Variants in PRKAR1B observed in about 807,000 individuals in gnomAD.
PRKAR1B encodes the protein protein kinase cAMP-dependent type I regulatory subunit beta.
PRKAR1B carries 22 observed loss-of-function variants against 46.5 expected under a neutral mutation model. The observed-to-expected ratio is 0.47, with a 90% CI of 0.34 to 0.68. The LOEUF is 0.68. PRKAR1B is among the 30% of genes least tolerant of loss of function. The pLI, the probability that PRKAR1B is intolerant of heterozygous loss-of-function variation, is 0.01. For synonymous variants in PRKAR1B, 259 were observed against 217.7 expected, an observed-to-expected ratio of 1.19 and a Z score of -1.67; for missense variants, 445 against 535.6, an observed-to-expected ratio of 0.83 and a Z score of 1.67.
chr7:595,417 C>T (rs1051288604), intron 7 of PRKAR1B, among the ~76,000 whole-genome samples: 19 of 152,184 alleles, frequency 1.2e-4, no homozygotes, highest in Admixed American at 7.2e-4. Context: ...TGTTCACGGC[C>T]GCCTCCACCA....
In PRKAR1B at chr7:726,750, G is replaced by A. The variant is rs878855037; in HGVS notation, c.-23+460C>T. On this transcript the variant is annotated intron_variant, in intron 1 of 10. Coordinates refer to ENST00000537384, the MANE Select transcript of PRKAR1B (RefSeq NM_001164760.2). The stretch of plus-strand genomic sequence containing the variant: ...CGGCGCTGGGGGTGGCGGAGGCCGT[G>A]GCGGCCCCACACCCGGCTGAGGGGG... 8.3e-5 allele frequency: 104 copies of A among 1,246,482 alleles called. No individual in the cohort carries two copies. Among genetic ancestry groups the A allele is most frequent in the Non-Finnish European group, 1.0e-4 (103 of 996,696 alleles). The allele number at this position is 1,246,482 out of a possible 1,614,324, so 77.2% of individuals were successfully genotyped here. A position where few individuals can be genotyped will look rare whatever the true frequency, so the allele number is the denominator to read the frequency against.
At position 683,279 on chromosome 7, in the gene PRKAR1B, G is replaced by C. The variant is rs113205195; in HGVS notation, c.178-2553C>G. Among the ~76,000 whole-genome samples the C allele has an allele frequency of 4.3e-3, 648 of 152,328 alleles. 5 individuals are homozygous for C. Among genetic ancestry groups the C allele is most frequent in the African/African-American group, 0.015 (620 of 41,574 alleles). ...AAGGCCGGGGTGCCACCAGCCCTAT[G>C]TCTGGGTATCCCCTTCCTTGACTTT... On this transcript the variant is annotated intron_variant, in intron 2 of 10. Transcript: ENST00000537384.
chr7:680,697 T>C lies in PRKAR1B; in HGVS notation c.207A>G (p.Gln69=), dbSNP rs745507312. The change falls in exon 3 of 11, where the codon CAA becomes CAG. Residue 69 remains glutamine, a synonymous_variant. Coordinates refer to ENST00000537384, the MANE Select transcript of PRKAR1B (RefSeq NM_001164760.2). ...KEENRQILAR[Q]KSNSQSDSHD... ...GGGAGTCCGACTGTGAGTTTGACTTTTGCCGCGCCAAAATCTGCCTGTTTT... is the reference window on the plus strand; with the variant it reads ...GGGAGTCCGACTGTGAGTTTGACTTCTGCCGCGCCAAAATCTGCCTGTTTT... The C allele has an allele frequency of 5.6e-6, 9 of 1,613,802 alleles. No individual in the cohort carries two copies. Among genetic ancestry groups the C allele is most frequent in the African/African-American group, 1.3e-5 (1 of 74,924 alleles).
chr7:639,917 C>T (rs558938813), intron 4 of PRKAR1B, among the ~76,000 whole-genome samples: 1 of 151,730 alleles, frequency 6.6e-6, no homozygotes, highest in South Asian at 2.1e-4. Flanking sequence ...GTAATCCCAG[C>T]ACTTTGGGAG....
At chr7:707,503 C>A (rs555974582) in intron 2 of PRKAR1B, among the ~76,000 whole-genome samples, 1 of 152,110 alleles carries the variant, frequency 6.6e-6, no homozygotes, top group African/African-American at 2.4e-5. Flanking sequence ...CCAAGAAGGC[C>A]GCTGGGATCC....
chr7:607,803 A>C, intron 4 of PRKAR1B: 1 of 238,828 alleles, frequency 4.2e-6, no homozygotes. Context: ...CGGTAAATAC[A>C]ATTCTACTAG....
chr7:718,650 C>G (rs1200468405), intron 1 of PRKAR1B, among the ~76,000 whole-genome samples: 5 of 152,062 alleles, frequency 3.3e-5, no homozygotes, highest in Non-Finnish European at 7.4e-5. Flanking sequence ...AGCCACTGCA[C>G]CTGACCTGAC....
chr7:646,698 T>G (rs1469040798), intron 4 of PRKAR1B, among the ~76,000 whole-genome samples: 1 of 152,198 alleles, frequency 6.6e-6, no homozygotes, highest in Non-Finnish European at 1.5e-5. Flanking sequence ...ATGCATGAAA[T>G]CACACGATGA....
intron 2 of PRKAR1B, among the ~76,000 whole-genome samples, chr7:704,716 C>A (rs909369205): frequency 6.6e-6 from 1 of 151,214 alleles, no homozygotes; most frequent in African/African-American, 2.5e-5. Context: ...TTGCAGTGAG[C>A]TAAGATCGCA....
intron 2 of PRKAR1B, among the ~76,000 whole-genome samples, chr7:706,422 A>ATGTTTTTTTTTTTTTT (rs1780326036): frequency 9.8e-6 from 1 of 102,298 alleles, no homozygotes; most frequent in Non-Finnish European, 1.9e-5. Context: ...CAAATAAGGA[A>ATGTTTTTTTTTTTTTT]TTTTTTTTTT....
chr7:625,524 A>C (rs957003756), intron 4 of PRKAR1B, among the ~76,000 whole-genome samples: 3 of 151,908 alleles, frequency 2.0e-5, no homozygotes, highest in Admixed American at 2.0e-4. Flanking sequence ...CATGGACAAG[A>C]GACATCACTA....
At chr7:628,369 G>A (rs1187074090) in intron 4 of PRKAR1B, among the ~76,000 whole-genome samples, 2 of 152,198 alleles carry the variant, frequency 1.3e-5, no homozygotes, top group Non-Finnish European at 2.9e-5. Flanking sequence ...AACAGCCAAG[G>A]CATGCTTAGG....
chr7:635,420 C>T (rs1348470274), intron 4 of PRKAR1B, among the ~76,000 whole-genome samples: 1 of 152,224 alleles, frequency 6.6e-6, no homozygotes, highest in Non-Finnish European at 1.5e-5. Flanking sequence ...GCCACAGAGC[C>T]TCAGAAGGAT....
intron 4 of PRKAR1B, among the ~76,000 whole-genome samples, chr7:662,119 G>C (rs377033393): frequency 1.6e-5 from 1 of 62,542 alleles, no homozygotes; most frequent in African/African-American, 7.1e-5. Context: ...CCCCACCCCA[G>C]TGGGTCCAAA....
chr7:706,833 C>A (rs1186156768), intron 2 of PRKAR1B, among the ~76,000 whole-genome samples: 1 of 152,216 alleles, frequency 6.6e-6, no homozygotes, highest in African/African-American at 2.4e-5. Context: ...GCTGGGCCAT[C>A]CCTGCTGGCC....
intron 9 of PRKAR1B, among the ~76,000 whole-genome samples, chr7:555,122 TC>T (rs1562514931): frequency 6.6e-6 from 1 of 151,858 alleles, no homozygotes; most frequent in Non-Finnish European, 1.5e-5. Flanking sequence ...CCTGGAAACA[TC>T]CCCTCACTCC....
intron 1 of PRKAR1B, chr7:726,559 G>T (rs1021155213): frequency 4.1e-6 from 2 of 482,490 alleles, no homozygotes; most frequent in Non-Finnish European, 6.4e-6. Context: ...GCGACAGAGG[G>T]GGACAGCGGG....
intron 9 of PRKAR1B, among the ~76,000 whole-genome samples, chr7:558,389 T>G (rs1583198760): frequency 7.6e-6 from 1 of 132,212 alleles, no homozygotes; most frequent in Non-Finnish European, 1.6e-5. Context: ...GAAGAAATAA[T>G]AAAATTTCCT....
At chr7:583,151 G>A (rs1359292760) in intron 8 of PRKAR1B, among the ~76,000 whole-genome samples, 2 of 152,126 alleles carry the variant, frequency 1.3e-5, no homozygotes, top group African/African-American at 4.8e-5. Context: ...ACAACGTCGT[G>A]TGTAGACTCA....
Sources: gnomAD v4.1 joint callset for allele counts (sites outside exome capture counted in the v4.1 genomes callset) on GRCh38, gnomAD v4.1.1 for gene constraint, MANE v1.5 for transcripts, NCBI Gene and HGNC (gene_info 2026-07-23, HGNC 2026-07-21) for gene names.